The following CRYBG1 variants were observed in gnomAD, a reference collection of about 807,000 sequenced individuals.
CRYBG1 encodes crystallin beta-gamma domain containing 1.
A neutral mutation model predicts 189.2 loss-of-function variants in CRYBG1; 139 were observed. That is an observed-to-expected ratio of 0.73 (90% CI 0.64 to 0.85). The LOEUF (loss-of-function observed/expected upper bound fraction) is 0.85, where lower values mean the gene tolerates loss of function less well. Among genes scored for constraint, CRYBG1 ranks in the 40% least tolerant of loss-of-function variants. The pLI, the probability that CRYBG1 is intolerant of heterozygous loss-of-function variation, is 0.00. For missense variants in CRYBG1, 2,611 were observed against 2,675.8 expected, an observed-to-expected ratio of 0.98 and a Z score of 0.53; for synonymous variants, 1,023 against 1,017.1, an observed-to-expected ratio of 1.01 and a Z score of -0.11.
chr6:106,553,439 GT>G lies in CRYBG1; in HGVS notation c.5473-13del. The G allele has an allele frequency of 6.5e-7, 1 of 1,544,582 alleles. No individual in the cohort carries two copies. The highest frequency in any genetic ancestry group is 8.9e-7 in the Non-Finnish European group (1 of 1,117,434). ...TAGGAAAATAATTTTATGTGTTTCT[GT>G]TTACTTTTTCAAAGATTCACTTGTT... On this transcript the variant is annotated splice_polypyrimidine_tract_variant and intron_variant, in intron 15 of 21. Coordinates refer to ENST00000633556, the MANE Select transcript of CRYBG1 (RefSeq NM_001371242.2).
intron 21 of CRYBG1, among the ~76,000 whole-genome samples, chr6:106,564,710 CA>C (rs1447129476): frequency 6.6e-6 from 1 of 152,136 alleles, no homozygotes; most frequent in African/African-American, 2.4e-5. Flanking sequence ...TTAAAAATAA[CA>C]TAAGAATGAC....
At chr6:106,370,050 C>T (rs1769986342) in intron 1 of CRYBG1, among the ~76,000 whole-genome samples, 1 of 152,042 alleles carries the variant, frequency 6.6e-6, no homozygotes, top group Non-Finnish European at 1.5e-5. Context: ...CTAGATCTCA[C>T]AAGTAGAAAT....
intron 1 of CRYBG1, among the ~76,000 whole-genome samples, chr6:106,437,365 T>A (rs965771275): frequency 2.0e-5 from 3 of 152,208 alleles, no homozygotes; most frequent in African/African-American, 7.2e-5. Flanking sequence ...TTGCCTTTAA[T>A]TTTTTAATGT....
chr6:106,383,689 A>G (rs1770329725), intron 1 of CRYBG1, among the ~76,000 whole-genome samples: 1 of 152,268 alleles, frequency 6.6e-6, no homozygotes, highest in Admixed American at 6.5e-5. Flanking sequence ...TGAATGTATC[A>G]TATGATATGT....
chr6:106,564,399 T>A (rs1471701014), intron 21 of CRYBG1, among the ~76,000 whole-genome samples: 2 of 152,230 alleles, frequency 1.3e-5, no homozygotes, highest in African/African-American at 4.8e-5. Flanking sequence ...ATTGAAAAGA[T>A]CTAAGATCTC....
At chr6:106,362,015 G>T (rs1363576606) in intron 1 of CRYBG1, among the ~76,000 whole-genome samples, 11 of 40,054 alleles carry the variant, frequency 2.7e-4, no homozygotes, top group African/African-American at 1.1e-3. Context: ...CTGTCACCCA[G>T]GCTGGAGTGC....
At position 106,401,626 on chromosome 6, in the gene CRYBG1, A is replaced by C. The variant is rs1353659646; in HGVS notation, c.173+40545A>C. On this transcript the variant is annotated intron_variant, in intron 1 of 21. Coordinates refer to ENST00000633556, the MANE Select transcript of CRYBG1 (RefSeq NM_001371242.2). ...CTGTGTCCAAGTGATCTCATTGTTC[A>C]ATTCCCACCTATGAGTGAGAATATG... is the stretch of plus-strand genomic sequence containing the variant. Among the ~76,000 whole-genome samples the C allele has an allele frequency of 3.5e-4, 39 of 110,566 alleles. 1 individual carries two copies. Among genetic ancestry groups the C allele is most frequent in the Admixed American group, 4.1e-4 (4 of 9,736 alleles). The allele number at this position is 110,566 out of a possible 152,430, so 72.5% of individuals were successfully genotyped here. A position where few individuals can be genotyped will look rare whatever the true frequency, so the allele number is the denominator to read the frequency against.
chr6:106,470,122 G>A (rs1376639463), intron 2 of CRYBG1, among the ~76,000 whole-genome samples: 1 of 152,188 alleles, frequency 6.6e-6, no homozygotes, highest in African/African-American at 2.4e-5. Context: ...CCAGCAATAA[G>A]CTGGTAAACA....
At chr6:106,492,251 C>T (rs1772740866) in intron 2 of CRYBG1, among the ~76,000 whole-genome samples, 5 of 152,142 alleles carry the variant, frequency 3.3e-5, no homozygotes, top group Admixed American at 3.3e-4. Context: ...TGTTGTCTAT[C>T]CATTCCATAC....
intron 1 of CRYBG1, among the ~76,000 whole-genome samples, chr6:106,440,243 C>CCTCTCTCT (rs34075891): frequency 1.2e-3 from 182 of 147,572 alleles, no homozygotes; most frequent in Middle Eastern, 3.4e-3. Flanking sequence ...TTCCTTTCTT[C>CCTCTCTCT]CTCTCTCTCT....
rs961738603 is a variant in CRYBG1 at position 106,552,359 on chromosome 6, G to A, written c.5472+143G>A. On this transcript the variant is annotated intron_variant, in intron 15 of 21. Transcript: ENST00000633556. ...CCAGCACTTTGGGAGGTCAAGGCAG[G>A]TGGATCACTTGAGCTCAGGAGTTCA... 2.2e-5 allele frequency: 11 copies of A among 498,164 alleles called. No homozygotes were observed. The African/African-American group carries it at 2.3e-4, about 10-fold the overall frequency. 30.9% of individuals were successfully genotyped at this position (498,164 alleles called of 1,614,324 possible).
At chr6:106,565,404 T>C (rs1049090190) in intron 21 of CRYBG1, among the ~76,000 whole-genome samples, 1 of 152,150 alleles carries the variant, frequency 6.6e-6, no homozygotes, top group Non-Finnish European at 1.5e-5. Flanking sequence ...AGAACGAATC[T>C]GGACATTTTC....
intron 2 of CRYBG1, among the ~76,000 whole-genome samples, chr6:106,485,439 C>T (rs540262124): frequency 6.6e-6 from 1 of 152,280 alleles, no homozygotes; most frequent in South Asian, 2.1e-4. Flanking sequence ...AAGATCACAT[C>T]ATCTGTAAAC....
chr6:106,431,847 C>T (rs1046551426), intron 1 of CRYBG1, among the ~76,000 whole-genome samples: 3 of 152,122 alleles, frequency 2.0e-5, no homozygotes, highest in Admixed American at 6.5e-5. Context: ...TCAAGGCTAA[C>T]ATCTCATATG....
intron 21 of CRYBG1, among the ~76,000 whole-genome samples, chr6:106,567,414 G>A (rs1356372364): frequency 1.3e-5 from 2 of 152,248 alleles, no homozygotes; most frequent in African/African-American, 2.4e-5. Context: ...TCTCACAAGA[G>A]AAGAGACGAT....
chr6:106,477,459 G>A (rs1340412711), intron 2 of CRYBG1, among the ~76,000 whole-genome samples: 2 of 152,198 alleles, frequency 1.3e-5, no homozygotes, highest in Admixed American at 1.3e-4. Context: ...TTCATGCTTA[G>A]CTGAAGCAAT....
chr6:106,383,626 A>G (rs573386701), intron 1 of CRYBG1, among the ~76,000 whole-genome samples: 3 of 152,368 alleles, frequency 2.0e-5, no homozygotes, highest in African/African-American at 7.2e-5. Flanking sequence ...AGACTGTGAA[A>G]CAAAACAGAC....
Position 106,512,662 on chromosome 6 carries a change from G to A in CRYBG1, c.1545G>A (p.Arg515=). 1 of 1,576,908 alleles carries A rather than the reference G, an allele frequency of 6.3e-7. No homozygotes were observed. Among genetic ancestry groups the A allele is most frequent in the Non-Finnish European group, 8.6e-7 (1 of 1,162,440 alleles). ...CCCCGGCTTCGTCCCCCACGAAGAGGAAGGGCAGGAGCCGTGCCCTCGAGG... is the reference window on the plus strand; with the variant it reads ...CCCCGGCTTCGTCCCCCACGAAGAGAAAGGGCAGGAGCCGTGCCCTCGAGG... ...QPPPASSPTK[R]KGRSRALEAV... The change falls in exon 3 of 22, where the codon AGG becomes AGA. Residue 515 remains arginine, a synonymous_variant. Coordinates refer to ENST00000633556, the MANE Select transcript of CRYBG1 (RefSeq NM_001371242.2).
At chr6:106,524,080 G>A (rs1325197998) in intron 4 of CRYBG1, among the ~76,000 whole-genome samples, 1 of 152,182 alleles carries the variant, frequency 6.6e-6, no homozygotes, top group African/African-American at 2.4e-5. Context: ...TGCAAGAGCA[G>A]TCAGAGCAAA....
Sources: gnomAD v4.1 joint callset for allele counts (sites outside exome capture counted in the v4.1 genomes callset) on GRCh38, gnomAD v4.1.1 for gene constraint, MANE v1.5 for transcripts, NCBI Gene and HGNC (gene_info 2026-07-23, HGNC 2026-07-21) for gene names.